MYT1L: variants seen among roughly 807,000 people sequenced by gnomAD.
MYT1L encodes the protein myelin transcription factor 1 like.
In MYT1L, 12 loss-of-function variants were observed where a neutral mutation model predicts 126.7. The observed-to-expected ratio is 0.09, with a 90% CI of 0.06 to 0.15. MYT1L has a LOEUF of 0.15. Ranked by LOEUF, MYT1L falls within the 10% of genes least tolerant of loss-of-function variation. The pLI is 1.00. For synonymous variants in MYT1L, 541 were observed against 604.2 expected (o/e 0.90, Z 1.53); for missense variants, 979 against 1,585.2 (o/e 0.62, Z 6.49).
chr2:2,032,220 C>A (rs1165506291), intron 4 of MYT1L, among the ~76,000 whole-genome samples: 1 of 65,540 alleles, frequency 1.5e-5, no homozygotes, highest in Non-Finnish European at 2.9e-5. Flanking sequence ...GAGGGCCTTA[C>A]ACACACCCTC....
intron 2 of MYT1L, among the ~76,000 whole-genome samples, chr2:2,183,376 A>G (rs2091748996): frequency 6.6e-6 from 1 of 152,016 alleles, no homozygotes; most frequent in African/African-American, 2.4e-5. Flanking sequence ...ACGGGAGGGG[A>G]GGAGAGAAAG....
intron 3 of MYT1L, among the ~76,000 whole-genome samples, chr2:2,136,609 C>T (rs1575417829): frequency 6.6e-6 from 1 of 152,292 alleles, no homozygotes; most frequent in East Asian, 1.9e-4. Context: ...TGTTCTTTCT[C>T]TATTAATTTT....
rs756426615 is a variant in MYT1L, at chr2:1,889,414, G to A, written c.2347C>T (p.Arg783Trp). 4.3e-6 allele frequency: 7 copies of A among 1,613,694 alleles called. No homozygotes were observed. Among genetic ancestry groups the A allele is most frequent in the South Asian group, 1.1e-5 (1 of 91,048 alleles). ...GTCAGGATGGGGCAGCAGCTGTCCC[G>A]CGGCCTCTGCTTGTTCATGCTGAGG... The part of the protein sequence containing the change: ...LDLSMNKQRP[R>W]DSCCPILTPL... Residue 783 changes from arginine (R) to tryptophan (W), a missense_variant, in exon 16 of 25, where the codon CGG becomes TGG. By Grantham distance (101) the Arg-to-Trp change is moderately radical. Around this residue, in one of 12 missense-constraint regions of MYT1L, gnomAD observed 141 missense variants for 170.6 expected, o/e 0.83. Transcript: ENST00000647738. This position sits in a 1 kb window ranked among gnomAD's most constrained non-coding sequence, Gnocchi z 4.1.
chr2:2,040,547 C>G (rs771856965), intron 4 of MYT1L, among the ~76,000 whole-genome samples: 1 of 152,158 alleles, frequency 6.6e-6, no homozygotes, highest in African/African-American at 2.4e-5. Context: ...CTGGAAATTA[C>G]TTTTCAGGCA....
At chr2:2,025,843 G>A (rs1259593269) in intron 4 of MYT1L, among the ~76,000 whole-genome samples, 1 of 152,210 alleles carries the variant, frequency 6.6e-6, no homozygotes, top group African/African-American at 2.4e-5. Flanking sequence ...AAGGTAGTGT[G>A]ACCTATTGCA....
intron 21 of MYT1L, 109 bp from the exon 22 acceptor site, chr2:1,809,276 C>A: frequency 9.7e-7 from 1 of 1,031,260 alleles, no homozygotes; most frequent in Non-Finnish European, 1.5e-6. Flanking sequence ...TGGTTGCCAG[C>A]AAAAGGCTGT....
intron 18 of MYT1L, among the ~76,000 whole-genome samples, chr2:1,859,233 T>A (rs11695297): frequency 0.55 from 84,199 of 152,084 alleles, 24,543 homozygotes; most frequent in Middle Eastern, 0.77. Flanking sequence ...TGCCTATATT[T>A]GTGGCATTTA....
intron 5 of MYT1L, among the ~76,000 whole-genome samples, chr2:1,983,455 T>G (rs979405695): frequency 1.3e-5 from 2 of 152,242 alleles, no homozygotes; most frequent in Non-Finnish European, 2.9e-5. Flanking sequence ...AGATTCAAAT[T>G]AAGCAGAAAG....
At chr2:2,252,671 C>T (rs1037177069) in intron 2 of MYT1L, among the ~76,000 whole-genome samples, 3 of 152,182 alleles carry the variant, frequency 2.0e-5, no homozygotes, top group African/African-American at 7.2e-5. Flanking sequence ...GAGGGCCCGG[C>T]ATGCAAAGCT....
chr2:1,888,339 C>A (rs962037576), intron 16 of MYT1L, among the ~76,000 whole-genome samples: 2 of 152,218 alleles, frequency 1.3e-5, no homozygotes, highest in African/African-American at 2.4e-5. Context: ...GAAAAAAATA[C>A]TTAGAAATTT....
At chr2:2,058,526 T>C (rs1307565706) in intron 3 of MYT1L, among the ~76,000 whole-genome samples, 1 of 152,196 alleles carries the variant, frequency 6.6e-6, no homozygotes. Flanking sequence ...TACATTCCAT[T>C]ATGGTAGACA....
At chr2:1,827,032 C>G (rs938956086) in intron 21 of MYT1L, 1 of 152,274 alleles carries the variant, frequency 6.6e-6, no homozygotes, top group African/African-American at 2.4e-5. Flanking sequence ...GACCCCTCCC[C>G]ATCCTGCAGG....
intron 2 of MYT1L, among the ~76,000 whole-genome samples, chr2:2,227,206 G>C (rs1462252444): frequency 6.6e-6 from 1 of 151,978 alleles, no homozygotes; most frequent in African/African-American, 2.4e-5. Flanking sequence ...TGACTTTTCT[G>C]TCTGTTCATT....
At chr2:2,207,141 C>G (rs576449528) in intron 2 of MYT1L, among the ~76,000 whole-genome samples, 3 of 152,326 alleles carry the variant, frequency 2.0e-5, no homozygotes, top group African/African-American at 7.2e-5. Context: ...CAGAGGTTCA[C>G]AAGAACCCAA....
intron 3 of MYT1L, among the ~76,000 whole-genome samples, chr2:2,149,542 C>T (rs1248824527): frequency 6.6e-6 from 1 of 152,156 alleles, no homozygotes; most frequent in Admixed American, 6.5e-5. Context: ...CTGGGTTTAC[C>T]AAGTTTCTGT....
Position 1,889,182 on chromosome 2 carries a change from C to T in MYT1L, c.2520+59G>A, listed in dbSNP as rs1008198081. The T allele has an allele frequency of 1.4e-6, 2 of 1,401,316 alleles. No individual in the cohort carries two copies. Among genetic ancestry groups the T allele is most frequent in the Admixed American group, 1.9e-5 (1 of 52,848 alleles). 86.8% of individuals were successfully genotyped at this position (1,401,316 alleles called of 1,614,324 possible). On this transcript the variant is annotated intron_variant, in intron 16 of 24. Coordinates refer to ENST00000647738, the MANE Select transcript of MYT1L (RefSeq NM_001303052.2). The surrounding 1 kb of genome is among the most constrained non-coding windows in gnomAD (Gnocchi z 4.1). ...ACGTATGTGCAAATGGCTTTTCTTTCAGCTGGGGCCCCATTTTTAAGTCTG... is the reference window on the plus strand; with the variant it reads ...ACGTATGTGCAAATGGCTTTTCTTTTAGCTGGGGCCCCATTTTTAAGTCTG...
intron 2 of MYT1L, among the ~76,000 whole-genome samples, chr2:2,235,520 G>C (rs904498007): frequency 5.3e-5 from 8 of 152,264 alleles, no homozygotes; most frequent in African/African-American, 1.7e-4. Context: ...CTTGCTCCTG[G>C]GTCTCTTACC....
intron 18 of MYT1L, among the ~76,000 whole-genome samples, chr2:1,878,804 C>A (rs1218410375): frequency 6.6e-6 from 1 of 152,074 alleles, no homozygotes; most frequent in Non-Finnish European, 1.5e-5. Flanking sequence ...TGTGGGATGT[C>A]CAACCTCTTT....
At chr2:2,041,204 A>G (rs1193076614) in intron 4 of MYT1L, among the ~76,000 whole-genome samples, 1 of 152,242 alleles carries the variant, frequency 6.6e-6, no homozygotes, top group Non-Finnish European at 1.5e-5. Flanking sequence ...GGAAAGGTGG[A>G]AGTTAAATTA....
Sources: allele counts gnomAD v4.1 joint callset (sites outside exome capture counted in the v4.1 genomes callset), GRCh38; gene constraint gnomAD v4.1.1; regional missense constraint gnomAD v4.1.1; non-coding constraint Gnocchi (gnomAD v3.1); transcripts MANE v1.5; gene names NCBI Gene and HGNC (gene_info 2026-07-23, HGNC 2026-07-21).